Variants in RAG1 observed in about 807,000 individuals in gnomAD.
RAG1 encodes the protein recombination activating 1.
Under a neutral mutation model 62.7 loss-of-function variants are expected in RAG1, and 35 were observed. The observed-to-expected ratio is 0.56, with a 90% CI of 0.43 to 0.74. The LOEUF is 0.74. Ranked by LOEUF, RAG1 falls within the 30% of genes least tolerant of loss-of-function variation. The pLI is 0.00. For synonymous variants in RAG1, 461 were observed against 470.3 expected, an observed-to-expected ratio of 0.98 and a Z score of 0.26; for missense variants, 1,169 against 1,278.6, an observed-to-expected ratio of 0.91 and a Z score of 1.31.
At chr11:36,569,852 A>G (rs1850712905) in intron 1 of RAG1, among the ~76,000 whole-genome samples, 1 of 152,210 alleles carries the variant, frequency 6.6e-6, no homozygotes, top group East Asian at 1.9e-4. Context: ...ATATATGTAC[A>G]AATACAAACG....
Position 36,573,283 on chromosome 11 carries a change from GT to G in RAG1, c.-14-6del. 1 of 1,613,898 alleles carries G rather than the reference GT, an allele frequency of 6.2e-7. No homozygotes were observed. Among genetic ancestry groups the G allele is most frequent in the South Asian group, 1.1e-5 (1 of 91,062 alleles). ...GGTCTTAATATGACTTGTTTTCATT[GT>G]TCTCAGGTACCTCAGCCAGCATGGC... On this transcript the variant is annotated splice_region_variant and splice_polypyrimidine_tract_variant and intron_variant, in intron 1 of 1. Coordinates refer to ENST00000299440, the MANE Select transcript of RAG1 (RefSeq NM_000448.3).
rs1463769346 is a variant in RAG1, at chr11:36,573,339, G to A, written c.35G>A (p.Ser12Asn). The A allele has an allele frequency of 1.2e-6, 2 of 1,614,032 alleles. No homozygotes were observed. Among genetic ancestry groups the A allele is most frequent in the Admixed American group, 1.7e-5 (1 of 59,996 alleles). The change falls in exon 2 of 2, where the codon AGT (serine) becomes AAT (asparagine). Residue 12 changes from serine to asparagine, a missense_variant. Physicochemically the swap from Ser to Asn is conservative, Grantham distance 46. Transcript: ENST00000299440. ...TCTTTCCCACCCACCTTGGGACTCA[G>A]TTCTGCCCCAGATGAAATTCAGCAC... ...AASFPPTLGL[S>N]SAPDEIQHPH...
chr11:36,551,601 C>CTTTTTTTTTT (rs199642455), intron 3 of RAG1, among the ~76,000 whole-genome samples: 1 of 133,194 alleles, frequency 7.5e-6, no homozygotes, highest in African/African-American at 2.8e-5. Flanking sequence ...TTAATTACTT[C>CTTTTTTTTTT]TTTTTTTTTT....
chr11:36,517,441 GC>G (rs1297697514), intron 1 of RAG1, among the ~76,000 whole-genome samples: 14 of 152,162 alleles, frequency 9.2e-5, no homozygotes, highest in African/African-American at 3.4e-4. Flanking sequence ...AGCAGAGTCA[GC>G]CTACAATGAG....
chr11:36,524,363 G>C (rs189003833), intron 2 of RAG1, among the ~76,000 whole-genome samples: 1 of 150,480 alleles, frequency 6.6e-6, no homozygotes, highest in African/African-American at 2.4e-5. Flanking sequence ...GAAAAGAAAA[G>C]AAATGGCAAA....
At chr11:36,541,704 C>T (rs1590678065) in intron 3 of RAG1, among the ~76,000 whole-genome samples, 2 of 152,110 alleles carry the variant, frequency 1.3e-5, no homozygotes, top group Admixed American at 1.3e-4. Flanking sequence ...GTTGCCCTCA[C>T]CCGAACCAAA....
chr11:36,534,796 T>A (rs1312847549), intron 2 of RAG1, among the ~76,000 whole-genome samples: 2 of 152,228 alleles, frequency 1.3e-5, no homozygotes, highest in Non-Finnish European at 1.5e-5. Flanking sequence ...TTAAAAATTT[T>A]CAGTTGTATG....
chr11:36,540,905 G>T (rs946578793), downstream of RAG1, among the ~76,000 whole-genome samples: 1 of 152,058 alleles, frequency 6.6e-6, no homozygotes, highest in Admixed American at 6.6e-5. Context: ...TTGGACTCAG[G>T]GGCACAGTGA....
chr11:36,557,539 C>T (rs950426429), intron 3 of RAG1, among the ~76,000 whole-genome samples: 1 of 151,352 alleles, frequency 6.6e-6, no homozygotes, highest in African/African-American at 2.4e-5. Flanking sequence ...GAACCCGGTA[C>T]CTCAGATGGA....
chr11:36,534,126 T>C (rs1470331102), intron 2 of RAG1, among the ~76,000 whole-genome samples: 2 of 152,166 alleles, frequency 1.3e-5, no homozygotes, highest in Non-Finnish European at 2.9e-5. Context: ...TTCATATTTA[T>C]AATTATTCCA....
At position 36,574,652 on chromosome 11, in the gene RAG1, C is replaced by A; in HGVS notation, c.1348C>A (p.Gln450Lys). The change falls in exon 2 of 2, where the codon CAA (glutamine) becomes AAA (lysine). Residue 450 changes from glutamine (Q) to lysine (K), a missense_variant. Transcript: ENST00000299440. ...TCTGAGGGCGAGGAATGAGCACAGGCAAGCTGATGAGCTGGAGGCCATCAT... is the reference window on the plus strand; with the variant it reads ...TCTGAGGGCGAGGAATGAGCACAGGAAAGCTGATGAGCTGGAGGCCATCAT... Reference protein sequence around the residue: ...LALRARNEHRQADELEAIMQG... With the variant: ...LALRARNEHRKADELEAIMQG... 6.2e-7 allele frequency: 1 copy of A among 1,614,220 alleles called. No homozygotes were observed. The highest frequency in any genetic ancestry group is 1.3e-5 in the African/African-American group (1 of 75,060).
chr11:36,550,189 C>T (rs1020507193), intron 3 of RAG1, among the ~76,000 whole-genome samples: 2 of 152,056 alleles, frequency 1.3e-5, no homozygotes, highest in African/African-American at 4.8e-5. Context: ...GTGCAGCAAA[C>T]CACCATGGCA....
chr11:36,537,673 C>A (rs1240728073), downstream of RAG1, among the ~76,000 whole-genome samples: 1 of 152,034 alleles, frequency 6.6e-6, no homozygotes, highest in Admixed American at 6.6e-5. Flanking sequence ...TGATCATTAT[C>A]TTTATGAGAG....
At chr11:36,519,861 CAA>C (rs1469107474) in intron 1 of RAG1, among the ~76,000 whole-genome samples, 2 of 152,008 alleles carry the variant, frequency 1.3e-5, no homozygotes, top group Non-Finnish European at 2.9e-5. Flanking sequence ...AATTCACAGA[CAA>C]GAGAAAATAG....
At chr11:36,523,552 A>G (rs569726111) in intron 2 of RAG1, among the ~76,000 whole-genome samples, 134 of 152,326 alleles carry the variant, frequency 8.8e-4, no homozygotes, top group South Asian at 2.5e-3. Flanking sequence ...AGTTTTCTAT[A>G]TAACTATAAT....
intron 2 of RAG1, among the ~76,000 whole-genome samples, chr11:36,528,114 A>C (rs1860194047): frequency 6.6e-6 from 1 of 152,126 alleles, no homozygotes; most frequent in Admixed American, 6.6e-5. Flanking sequence ...GATATTCAGG[A>C]CTTGAACTCA....
chr11:36,575,833 G>A lies in RAG1; in HGVS notation c.2529G>A (p.Lys843=). 6.2e-7 allele frequency: 1 copy of A among 1,614,242 alleles called. No homozygotes were observed. ...QATLDKHLRK[K]MNLKPIMRMN... ...CACTGGACAAGCATCTCCGGAAGAA[G>A]ATGAACCTCAAACCAATCATGAGGA... Residue 843 remains lysine (K), a synonymous_variant, in exon 2 of 2, where the codon AAG becomes AAA. Coordinates refer to ENST00000299440, the MANE Select transcript of RAG1 (RefSeq NM_000448.3). This position sits in a 1 kb window ranked among gnomAD's most constrained non-coding sequence, Gnocchi z 4.1.
intron 2 of RAG1, among the ~76,000 whole-genome samples, chr11:36,526,619 A>C (rs1427377274): frequency 1.3e-5 from 2 of 152,190 alleles, no homozygotes; most frequent in Non-Finnish European, 2.9e-5. Context: ...GCTAGTTCAA[A>C]TGGTATTTCT....
At chr11:36,538,044 G>A (rs1406840248), downstream of RAG1, among the ~76,000 whole-genome samples, 1 of 151,898 alleles carries the variant, frequency 6.6e-6, no homozygotes, top group East Asian at 1.9e-4. Context: ...TTCTTACCAA[G>A]GCCCTTACTT....
Sources: allele counts gnomAD v4.1 joint callset (sites outside exome capture counted in the v4.1 genomes callset), GRCh38; gene constraint gnomAD v4.1.1; non-coding constraint Gnocchi (gnomAD v3.1); transcripts MANE v1.5; gene names NCBI Gene and HGNC (gene_info 2026-07-23, HGNC 2026-07-21).